MAST4: variants seen among roughly 807,000 people sequenced by gnomAD.
MAST4 encodes the protein microtubule-associated serine/threonine-protein kinase 4.
A neutral mutation model predicts 162.7 loss-of-function variants in MAST4; 89 were observed. The ratio of observed to expected loss-of-function variants is 0.55; its 90% CI spans 0.46 to 0.65. The LOEUF is 0.65. Among genes scored for constraint, MAST4 ranks in the 30% least tolerant of loss-of-function variants. The pLI, the probability that MAST4 is intolerant of heterozygous loss-of-function variation, is 0.00. For missense variants in MAST4, 3,153 were observed against 3,374.0 expected (o/e 0.93, Z 1.62); for synonymous variants, 1,479 against 1,361.1 (o/e 1.09, Z -1.91).
chr5:67,070,143 A>G (rs1198512335), intron 5 of MAST4, among the ~76,000 whole-genome samples: 1 of 152,216 alleles, frequency 6.6e-6, no homozygotes, highest in South Asian at 2.1e-4. Context: ...CCATTATTTC[A>G]GTAGGAAATG....
chr5:66,731,077 C>T (rs1751819657), intron 1 of MAST4, among the ~76,000 whole-genome samples: 1 of 152,146 alleles, frequency 6.6e-6, no homozygotes, highest in Non-Finnish European at 1.5e-5. Flanking sequence ...CATTATCCCA[C>T]CTCTGAAAAT....
Position 66,939,698 on chromosome 5 carries a change from T to C in MAST4, c.674+39716T>C, listed in dbSNP as rs576353801. 2.0e-5 allele frequency among the ~76,000 whole-genome samples: 3 copies of C among 152,206 alleles called. No individual in the cohort carries two copies. The South Asian group carries it at 6.2e-4, about 31-fold the overall frequency. On this transcript the variant is annotated intron_variant, in intron 4 of 28. Transcript: ENST00000403625. ...ATATACTGTTTTATTTTACAACAAA[T>C]CTGGATTTATTTGTATACAAGATAC...
In MAST4 at chr5:66,952,349, C is replaced by T. The variant is rs568241686; in HGVS notation, c.674+52367C>T. Among the ~76,000 whole-genome samples the T allele has an allele frequency of 6.0e-4, 92 of 152,218 alleles. No homozygotes were observed. In the South Asian group the frequency reaches 7.0e-3, roughly 12 times the overall value. On this transcript the variant is annotated intron_variant, in intron 4 of 28. Coordinates refer to ENST00000403625, the MANE Select transcript of MAST4 (RefSeq NM_001164664.2). ...TAAGATATGTTCTTCAGTGAATGAA[C>T]ACATACAGATAGCCTCATATTTCCT...
At chr5:67,138,643 A>AGGCTG (rs1356206714) in intron 19 of MAST4, among the ~76,000 whole-genome samples, 1 of 152,176 alleles carries the variant, frequency 6.6e-6, no homozygotes, top group East Asian at 1.9e-4. Flanking sequence ...CATGTTGGCC[A>AGGCTG]GGCTGGTCTT....
intron 1 of MAST4, among the ~76,000 whole-genome samples, chr5:66,701,706 G>C (rs765228821): frequency 1.1e-4 from 16 of 152,146 alleles, no homozygotes; most frequent in Non-Finnish European, 2.9e-5. Context: ...ATAAGGTCAG[G>C]TCCTGATGCT....
intron 4 of MAST4, among the ~76,000 whole-genome samples, chr5:66,943,571 A>G (rs1336964534): frequency 6.6e-6 from 1 of 152,132 alleles, no homozygotes; most frequent in Non-Finnish European, 1.5e-5. Flanking sequence ...GCAAATTTCA[A>G]CAGGCTCATT....
rs190969857 is a variant in MAST4 at position 66,935,741 on chromosome 5, C to T, written c.674+35759C>T. ...GGAGTGCAGTGGCACAATCTCAGTT[C>T]ACTGCCACCTCCGCCTCCCGGGTTC... On this transcript the variant is annotated intron_variant, in intron 4 of 28. Coordinates refer to ENST00000403625, the MANE Select transcript of MAST4 (RefSeq NM_001164664.2). Among the ~76,000 whole-genome samples the T allele has an allele frequency of 2.6e-5, 4 of 150,970 alleles. No homozygotes were observed. In the East Asian group the frequency reaches 5.8e-4, roughly 22 times the overall value.
chr5:66,655,057 T>A lies in MAST4; in HGVS notation c.363+58039T>A, dbSNP rs571694553. Among the ~76,000 whole-genome samples, 5 of 152,270 alleles carry A rather than the reference T, an allele frequency of 3.3e-5. No individual in the cohort carries two copies. The East Asian group carries it at 9.6e-4, about 29-fold the overall frequency. Reference sequence around the variant, plus strand: ...AATGTACAACATTGAGCTAAATGTTTTGCATTCATTCCTTGGTTTTACCTT... The same window carrying A: ...AATGTACAACATTGAGCTAAATGTTATGCATTCATTCCTTGGTTTTACCTT... On this transcript the variant is annotated intron_variant, in intron 1 of 28. Coordinates refer to ENST00000403625, the MANE Select transcript of MAST4 (RefSeq NM_001164664.2).
chr5:66,694,966 CT>C (rs1186816855), intron 1 of MAST4, among the ~76,000 whole-genome samples: 4 of 151,972 alleles, frequency 2.6e-5, no homozygotes, highest in Admixed American at 2.0e-4. Flanking sequence ...CATTCTGTAG[CT>C]TGTCTGTTCA....
chr5:66,759,798 TA>T lies in MAST4; in HGVS notation c.457del (p.Arg153AspfsTer3), dbSNP rs759078124. On this transcript the variant is annotated frameshift_variant, in exon 2 of 29. Coordinates refer to ENST00000403625, the MANE Select transcript of MAST4 (RefSeq NM_001164664.2). LOFTEE classifies it high-confidence loss of function. ...CTGGCCCTGGAAAATCACTGAAGTA[TA>T]AAAGACAGCTGAGTGAGGATGGAAG... ...ASGPGKSLKY[K>X]RQLSEDGRQL... 1 of 1,613,902 alleles carries T rather than the reference TA, an allele frequency of 6.2e-7. No homozygotes were observed.
At chr5:66,877,444 C>T (rs143373398) in intron 3 of MAST4, among the ~76,000 whole-genome samples, 2 of 152,304 alleles carry the variant, frequency 1.3e-5, no homozygotes, top group South Asian at 2.1e-4. Context: ...AGTTCAGTAA[C>T]TTGCACAGGG....
At chr5:66,807,716 C>G (rs1187076515) in intron 3 of MAST4, among the ~76,000 whole-genome samples, 2 of 152,152 alleles carry the variant, frequency 1.3e-5, no homozygotes, top group Non-Finnish European at 2.9e-5. Context: ...AACCGTAGGG[C>G]TAAAGGCATC....
At chr5:66,818,441 A>C (rs1178333635) in intron 3 of MAST4, among the ~76,000 whole-genome samples, 3 of 151,896 alleles carry the variant, frequency 2.0e-5, no homozygotes, top group Non-Finnish European at 4.4e-5. Context: ...AAAAAAAAAA[A>C]CAGAACAGAT....
chr5:67,069,994 T>G (rs146228299), intron 5 of MAST4, among the ~76,000 whole-genome samples: 1 of 150,898 alleles, frequency 6.6e-6, no homozygotes, highest in East Asian at 2.0e-4. Context: ...ATGCAGGAAA[T>G]GAAACAAGTT....
intron 3 of MAST4, among the ~76,000 whole-genome samples, chr5:66,861,253 T>C (rs144393028): frequency 2.0e-5 from 3 of 152,220 alleles, no homozygotes; most frequent in African/African-American, 7.2e-5. Context: ...AAAATCCCTG[T>C]GAAATCAATT....
intron 26 of MAST4, among the ~76,000 whole-genome samples, chr5:67,158,230 G>A (rs1358730105): frequency 6.6e-6 from 1 of 152,168 alleles, no homozygotes; most frequent in East Asian, 1.9e-4. Context: ...CAACTAGAAT[G>A]CCATCTCTAC....
chr5:66,899,916 G>C, intron 3 of MAST4, 35 bp from the exon 4 acceptor site: 1 of 1,489,084 alleles, frequency 6.7e-7, no homozygotes, highest in Non-Finnish European at 8.9e-7. Context: ...GGTTAATGCA[G>C]CATTGCTTAT....
At chr5:67,079,338 C>A (rs1458926950) in intron 5 of MAST4, among the ~76,000 whole-genome samples, 2 of 151,890 alleles carry the variant, frequency 1.3e-5, no homozygotes, top group African/African-American at 2.4e-5. Context: ...TAAAAAATAG[C>A]AAATATAGAA....
chr5:66,889,699 T>C (rs576611581), intron 3 of MAST4, among the ~76,000 whole-genome samples: 125 of 152,314 alleles, frequency 8.2e-4, no homozygotes, highest in Non-Finnish European at 1.6e-3. Context: ...GATTCCTTCT[T>C]CTAATTCAAG....
Sources: allele counts gnomAD v4.1 joint callset (sites outside exome capture counted in the v4.1 genomes callset), GRCh38; gene constraint gnomAD v4.1.1; transcripts MANE v1.5; gene names NCBI Gene and HGNC (gene_info 2026-07-23, HGNC 2026-07-21).